MME: variants seen among roughly 807,000 people sequenced by gnomAD.
MME encodes the protein neprilysin.
A neutral mutation model predicts 113.2 loss-of-function variants in MME; 98 were observed. That is an observed-to-expected ratio of 0.87 (90% CI 0.74 to 1.02). The LOEUF is 1.02. MME is among the 50% of genes least tolerant of loss of function. MME has a pLI of 0.00. For synonymous variants in MME, 292 were observed against 300.6 expected, an observed-to-expected ratio of 0.97 and a Z score of 0.30; for missense variants, 836 against 896.0, an observed-to-expected ratio of 0.93 and a Z score of 0.86.
At chr3:155,132,207 AT>A (rs954567712) in intron 8 of MME, among the ~76,000 whole-genome samples, 23 of 152,344 alleles carry the variant, frequency 1.5e-4, no homozygotes, top group African/African-American at 4.8e-4. Flanking sequence ...TTCATTAGGA[AT>A]GAAATTAAAG....
Position 155,142,279 on chromosome 3 carries a change from T to C in MME, c.1137T>C (p.Leu379=). ...TGTCCTGGAGATTCATAATGGATCT[T>C]GTAAGCAGCCTCAGCCGAACCTACA... is the stretch of plus-strand genomic sequence containing the variant. ...NLMSWRFIMD[L]VSSLSRTYKE... Residue 379 remains leucine (L), a synonymous_variant, in exon 12 of 23, where the codon CTT becomes CTC. Coordinates refer to ENST00000360490, the MANE Select transcript of MME (RefSeq NM_007289.4). The C allele has an allele frequency of 1.2e-6, 2 of 1,613,684 alleles. No individual in the cohort carries two copies. The highest frequency in any genetic ancestry group is 8.5e-7 in the Non-Finnish European group (1 of 1,179,722).
At chr3:155,095,108 A>G (rs1716627172) in intron 3 of MME, among the ~76,000 whole-genome samples, 3 of 152,270 alleles carry the variant, frequency 2.0e-5, no homozygotes. Context: ...AGCTTTTGAA[A>G]TGTACCCATA....
At position 155,160,446 on chromosome 3, in the gene MME, T is replaced by C; in HGVS notation, c.1658T>C (p.Ile553Thr). Residue 553 changes from isoleucine to threonine, a missense_variant and splice_region_variant, in exon 17 of 23, where the codon ATA becomes ACA. Transcript: ENST00000360490. ...TTTTACTCTTCAGGAAGAAATCAGA[T>C]AGGTAAGGTGTATTCTTAAATAATT... ...NAFYSSGRNQ[I>T]VFPAGILQPP... is the part of the protein sequence containing the mutation. 1.3e-6 allele frequency: 2 copies of C among 1,588,338 alleles called. No individual in the cohort carries two copies. The highest frequency in any genetic ancestry group is 1.1e-5 in the South Asian group (1 of 90,528).
At position 155,116,754 on chromosome 3, in the gene MME, A is replaced by T; in HGVS notation, c.530A>T (p.Lys177Ile). 1 of 1,613,262 alleles carries T rather than the reference A, an allele frequency of 6.2e-7. No homozygotes were observed. The highest frequency in any genetic ancestry group is 8.5e-7 in the Non-Finnish European group (1 of 1,179,460). The change falls in exon 6 of 23, where the codon AAA (lysine) becomes ATA (isoleucine). Residue 177 changes from lysine to isoleucine, a missense_variant. Coordinates refer to ENST00000360490, the MANE Select transcript of MME (RefSeq NM_007289.4). ...WPVATENWEQ[K>I]YGASWTAEKA... ...GTAGCAACAGAAAACTGGGAGCAAA[A>T]ATATGGTAAGGCAATTTTCCTACTA... is the stretch of plus-strand genomic sequence containing the variant.
chr3:155,027,470 T>C (rs557371791), intron 1 of MME, among the ~76,000 whole-genome samples: 2 of 152,344 alleles, frequency 1.3e-5, no homozygotes, highest in African/African-American at 4.8e-5. Context: ...TATTAGCGGA[T>C]TTCTCCCAAC....
upstream of MME, among the ~76,000 whole-genome samples, chr3:155,077,991 G>A (rs150432871): frequency 0.011 from 1,632 of 147,134 alleles, 15 homozygotes; most frequent in South Asian, 0.029. Flanking sequence ...GATCACTTGA[G>A]GCCAGGAGTT....
At chr3:155,164,813 T>A (rs1393243172) in intron 17 of MME, among the ~76,000 whole-genome samples, 1 of 152,190 alleles carries the variant, frequency 6.6e-6, no homozygotes, top group Non-Finnish European at 1.5e-5. Context: ...TTCATAAAAA[T>A]TCTCTAAAGA....
chr3:155,136,575 A>G (rs1223601238), intron 8 of MME, among the ~76,000 whole-genome samples: 1 of 152,194 alleles, frequency 6.6e-6, no homozygotes, highest in Non-Finnish European at 1.5e-5. Flanking sequence ...AGCATTTAGT[A>G]AAAGTCATAG....
intron 9 of MME, among the ~76,000 whole-genome samples, chr3:155,139,357 A>G (rs11719420): frequency 0.29 from 44,773 of 151,958 alleles, 7,438 homozygotes; most frequent in East Asian, 0.44. Context: ...TCTTTGAATC[A>G]TTTATGCATC....
At chr3:155,072,230 T>C (rs1321905775) in intron 1 of MME, among the ~76,000 whole-genome samples, 1 of 143,102 alleles carries the variant, frequency 7.0e-6, no homozygotes, top group African/African-American at 2.5e-5. Flanking sequence ...TCTCCTTGCC[T>C]CCATCCTTTC....
At chr3:155,091,828 G>A (rs1004292609) in intron 3 of MME, among the ~76,000 whole-genome samples, 4 of 152,176 alleles carry the variant, frequency 2.6e-5, no homozygotes, top group African/African-American at 9.7e-5. Context: ...TTCAGAAAAG[G>A]AGATTTTGTC....
chr3:155,154,189 GT>G (rs1231420067), intron 16 of MME, among the ~76,000 whole-genome samples: 4 of 151,938 alleles, frequency 2.6e-5, no homozygotes, highest in African/African-American at 7.2e-5. Flanking sequence ...CAAGCATGGT[GT>G]TTTTTTTCTA....
intron 16 of MME, among the ~76,000 whole-genome samples, chr3:155,149,392 C>A (rs1721755345): frequency 6.6e-6 from 1 of 152,050 alleles, no homozygotes. Context: ...ACTGAAGAAT[C>A]TCAGTTAAAA....
chr3:155,029,900 T>C (rs1023012822), intron 1 of MME, among the ~76,000 whole-genome samples: 2 of 152,160 alleles, frequency 1.3e-5, no homozygotes, highest in African/African-American at 2.4e-5. Flanking sequence ...TCATGACACA[T>C]ATAAATATAT....
rs1715433397 is a variant in MME at position 155,084,182 on chromosome 3, A to G, written c.15A>G (p.Glu5=). The part of the protein sequence containing the change: MGKS[E]SQMDITDINT... Reference sequence around the variant, plus strand: ...GATTTTAGGTGATGGGCAAGTCAGAAAGTCAGATGGATATAACTGATATCA... The same window carrying G: ...GATTTTAGGTGATGGGCAAGTCAGAGAGTCAGATGGATATAACTGATATCA... Residue 5 remains glutamate, a synonymous_variant, in exon 2 of 23, where the codon GAA becomes GAG. Transcript: ENST00000360490. 6.2e-7 allele frequency: 1 copy of G among 1,614,118 alleles called. No individual in the cohort carries two copies. Among genetic ancestry groups the G allele is most frequent in the Non-Finnish European group, 8.5e-7 (1 of 1,179,988 alleles).
Position 155,173,871 on chromosome 3 carries a change from C to T in MME, c.2153+1259C>T, listed in dbSNP as rs139953711. 2.8e-3 allele frequency among the ~76,000 whole-genome samples: 426 copies of T among 152,100 alleles called. 4 individuals are homozygous for T. Among genetic ancestry groups the T allele is most frequent in the African/African-American group, 9.7e-3 (402 of 41,532 alleles). ...AGAAACACTTGAGTTCCAACCATGG[C>T]TTCACCATTTACTAGCTGTTAATGT... On this transcript the variant is annotated intron_variant, in intron 22 of 22. Transcript: ENST00000360490.
chr3:155,140,161 TA>T, intron 9 of MME, 29 bp from the exon 10 acceptor site: 1 of 1,501,484 alleles, frequency 6.7e-7, no homozygotes, highest in Non-Finnish European at 9.2e-7. Flanking sequence ...TTCTTAATTC[TA>T]AAATAATGAT....
At chr3:155,164,183 A>G (rs1220282385) in intron 17 of MME, among the ~76,000 whole-genome samples, 1 of 151,870 alleles carries the variant, frequency 6.6e-6, no homozygotes, top group Non-Finnish European at 1.5e-5. Context: ...ATTTTCCACC[A>G]AAAAAATTAC....
At chr3:155,080,681 C>G (rs1715059315) in intron 1 of MME, among the ~76,000 whole-genome samples, 1 of 152,118 alleles carries the variant, frequency 6.6e-6, no homozygotes, top group East Asian at 1.9e-4. Context: ...GACCTCTTAA[C>G]TGGTTTCAGT....
Sources: gnomAD v4.1 joint callset for allele counts (sites outside exome capture counted in the v4.1 genomes callset) on GRCh38, gnomAD v4.1.1 for gene constraint, MANE v1.5 for transcripts, NCBI Gene and HGNC (gene_info 2026-07-23, HGNC 2026-07-21) for gene names.